The following TNFRSF10D variants were observed in gnomAD, a reference collection of about 807,000 sequenced individuals.
TNFRSF10D encodes the protein TNF receptor superfamily member 10d.
In TNFRSF10D, 28 loss-of-function variants were observed where a neutral mutation model predicts 42.1. That is an observed-to-expected ratio of 0.66 (90% CI 0.49 to 0.91). The LOEUF (loss-of-function observed/expected upper bound fraction) is 0.91, where lower values mean the gene tolerates loss of function less well. TNFRSF10D is among the 40% of genes least tolerant of loss of function. The pLI is 0.00. For synonymous variants in TNFRSF10D, 186 were observed against 189.4 expected (o/e 0.98, Z 0.15); for missense variants, 503 against 486.1 (o/e 1.03, Z -0.33).
chr8:23,154,373 G>A (rs1452635256), intron 2 of TNFRSF10D, among the ~76,000 whole-genome samples: 888 of 152,054 alleles, frequency 5.8e-3, no homozygotes, highest in African/African-American at 0.018. Context: ...ATATTCCATG[G>A]AACAAACTCT....
At chr8:23,146,367 C>T (rs73546698) in intron 4 of TNFRSF10D, among the ~76,000 whole-genome samples, 4,904 of 152,002 alleles carry the variant, frequency 0.032, 208 homozygotes, top group African/African-American at 0.11. Context: ...CAGAGAAGAG[C>T]AAGTTACTCT....
chr8:23,154,469 G>A (rs185799171), intron 2 of TNFRSF10D, among the ~76,000 whole-genome samples: 52 of 152,298 alleles, frequency 3.4e-4, no homozygotes, highest in African/African-American at 1.1e-3. Flanking sequence ...TAGGTTACTT[G>A]TAATACCTAA....
chr8:23,139,891 A>G (rs1814414062), intron 7 of TNFRSF10D, among the ~76,000 whole-genome samples: 5 of 152,210 alleles, frequency 3.3e-5, no homozygotes, highest in Admixed American at 1.3e-4. Flanking sequence ...CACACCTGTA[A>G]TCCCAGCACT....
At chr8:23,149,034 C>T (rs1416701788) in intron 2 of TNFRSF10D, among the ~76,000 whole-genome samples, 1 of 150,562 alleles carries the variant, frequency 6.6e-6, no homozygotes, top group Non-Finnish European at 1.5e-5. Context: ...ACTAAAAATA[C>T]AAAAAATTAG....
intron 4 of TNFRSF10D, 136 bp downstream of exon 4, chr8:23,146,825 C>T: frequency 1.4e-6 from 1 of 716,508 alleles, no homozygotes; most frequent in South Asian, 1.7e-5. Context: ...CCAACGCAGG[C>T]TCAGGAAACC....
At chr8:23,147,421 A>T (rs1341591241) in intron 3 of TNFRSF10D, among the ~76,000 whole-genome samples, 1 of 152,186 alleles carries the variant, frequency 6.6e-6, no homozygotes, top group East Asian at 1.9e-4. Flanking sequence ...GGGGAAGAGG[A>T]AGGGGCCTGA....
chr8:23,141,291 G>C (rs1285879220), intron 7 of TNFRSF10D, among the ~76,000 whole-genome samples: 1 of 152,136 alleles, frequency 6.6e-6, no homozygotes, highest in Non-Finnish European at 1.5e-5. Flanking sequence ...GATCACCTGA[G>C]GTTAGGAGTT....
At chr8:23,138,376 G>C (rs71515816) in intron 7 of TNFRSF10D, 116 bp from the exon 8 acceptor site, 1 of 1,071,678 alleles carries the variant, frequency 9.3e-7, no homozygotes, top group East Asian at 2.4e-5. Flanking sequence ...GGTCTCCATG[G>C]AGATGGAGAC....
At chr8:23,158,487 C>T (rs1800312088) in intron 1 of TNFRSF10D, among the ~76,000 whole-genome samples, 1 of 152,154 alleles carries the variant, frequency 6.6e-6, no homozygotes, top group Non-Finnish European at 1.5e-5. Flanking sequence ...CAAGATATAG[C>T]TGAGTCTTGT....
intron 2 of TNFRSF10D, among the ~76,000 whole-genome samples, chr8:23,153,427 C>T (rs188249058): frequency 6.6e-6 from 1 of 152,020 alleles, no homozygotes; most frequent in Non-Finnish European, 1.5e-5. Context: ...AACAGAGTGA[C>T]GAGACAACAT....
intron 2 of TNFRSF10D, among the ~76,000 whole-genome samples, chr8:23,153,099 T>C (rs561400836): frequency 3.5e-4 from 54 of 152,262 alleles, no homozygotes; most frequent in African/African-American, 1.2e-3. Context: ...TTGTGACAGA[T>C]ACCAAGAACA....
At position 23,145,956 on chromosome 8, in the gene TNFRSF10D, G is replaced by T. The variant is rs374924904; in HGVS notation, c.483-35C>A. The T allele has an allele frequency of 3.7e-6, 6 of 1,613,254 alleles. No homozygotes were observed. The African/African-American group carries it at 8.0e-5, about 22-fold the overall frequency. On this transcript the variant is annotated intron_variant, in intron 4 of 8. Coordinates refer to ENST00000312584, the MANE Select transcript of TNFRSF10D (RefSeq NM_003840.5). ...CACAGAGAGGGAGACAGGGACTCTT[G>T]ATGGAAAGCTGGCCAGGTGGGATGA...
intron 1 of TNFRSF10D, among the ~76,000 whole-genome samples, chr8:23,155,475 T>C (rs1356087910): frequency 6.6e-6 from 1 of 152,124 alleles, no homozygotes; most frequent in East Asian, 1.9e-4. Context: ...ATCACAGCAC[T>C]TTGGGAGGCC....
chr8:23,144,022 T>C (rs2128836351), intron 7 of TNFRSF10D, among the ~76,000 whole-genome samples: 1 of 152,370 alleles, frequency 6.6e-6, no homozygotes, highest in East Asian at 1.9e-4. Context: ...AGAAGCCTCC[T>C]TACATACTTG....
rs1814362653 is a variant in TNFRSF10D at position 23,137,873 on chromosome 8, C to A, written c.1158G>T (p.Leu386=). 1 of 1,609,236 alleles carries A rather than the reference C, an allele frequency of 6.2e-7. No homozygotes were observed. The highest frequency in any genetic ancestry group is 1.1e-5 in the South Asian group (1 of 90,430). ...CTGGTTTCCTGAAGAGATTCTTTCA[C>A]AGGCAGGACGTAGCAGAGCCTGCCT... ...EDEAGSATSC[L] The change falls in exon 9 of 9, where the codon CTG becomes CTT. Residue 386 remains leucine, a synonymous_variant. Transcript: ENST00000312584.
At chr8:23,156,215 T>C (rs1800278397) in intron 1 of TNFRSF10D, among the ~76,000 whole-genome samples, 1 of 152,252 alleles carries the variant, frequency 6.6e-6, no homozygotes, top group Non-Finnish European at 1.5e-5. Flanking sequence ...ATAGTTTTTG[T>C]AACTTTTAAG....
chr8:23,157,198 T>C (rs1212139282), intron 1 of TNFRSF10D, among the ~76,000 whole-genome samples: 2 of 151,988 alleles, frequency 1.3e-5, no homozygotes, highest in African/African-American at 2.4e-5. Flanking sequence ...TAACTCCCCA[T>C]CTCCCCAATT....
In TNFRSF10D at chr8:23,136,147, A is replaced by G. The variant is rs556973574; in HGVS notation, c.*1723T>C. On this transcript the variant is annotated 3_prime_UTR_variant, in exon 9 of 9. Transcript: ENST00000312584. ...AAAGACTGAAACCCCTAGAATGACT[A>G]TATCCGTAATTTATCCTACCACGAC... is the stretch of plus-strand genomic sequence containing the variant. 1,621 of 284,360 alleles carry G rather than the reference A, an allele frequency of 5.7e-3. No homozygotes were observed. Among genetic ancestry groups the G allele is most frequent in the African/African-American group, 0.021 (931 of 45,266 alleles). 17.6% of individuals were successfully genotyped at this position (284,360 alleles called of 1,614,324 possible).
rs1286017500 is a variant in TNFRSF10D, at chr8:23,163,707, A to C, written c.150+79T>G. 3.9e-6 allele frequency: 6 copies of C among 1,548,156 alleles called. No individual in the cohort carries two copies. The South Asian group carries it at 4.8e-5, about 12-fold the overall frequency. ...CAGGCGACCCGGGCCAAGCATCCCC[A>C]CCGTGTCCCCCTCTCTCCCTGCCCA... is the stretch of plus-strand genomic sequence containing the variant. On this transcript the variant is annotated intron_variant, in intron 1 of 8. Transcript: ENST00000312584.
Sources: allele counts gnomAD v4.1 joint callset (sites outside exome capture counted in the v4.1 genomes callset), GRCh38; gene constraint gnomAD v4.1.1; transcripts MANE v1.5; gene names NCBI Gene and HGNC (gene_info 2026-07-23, HGNC 2026-07-21).